The following CYP7B1 variants were observed in gnomAD, a reference collection of about 807,000 sequenced individuals.
The protein encoded by CYP7B1 is cytochrome P450 7B1.
In CYP7B1, 29 loss-of-function variants were observed where a neutral mutation model predicts 42.7. That is an observed-to-expected ratio of 0.68 (90% confidence interval 0.51 to 0.93). The LOEUF (loss-of-function observed/expected upper bound fraction) is 0.93. Among genes scored for constraint, CYP7B1 ranks in the 40% least tolerant of loss-of-function variants. CYP7B1 has a pLI of 0.00. For synonymous variants in CYP7B1, 235 were observed against 218.2 expected, an observed-to-expected ratio of 1.08 and a Z score of -0.68; for missense variants, 655 against 600.5, an observed-to-expected ratio of 1.09 and a Z score of -0.95.
At chr8:64,658,719 C>T (rs777274341) in intron 1 of CYP7B1, among the ~76,000 whole-genome samples, 4 of 152,164 alleles carry the variant, frequency 2.6e-5, no homozygotes, top group Non-Finnish European at 5.9e-5. Flanking sequence ...CACTAAGCTC[C>T]TCTGGCTGCA....
chr8:64,740,089 A>G (rs539375060), intron 1 of CYP7B1, among the ~76,000 whole-genome samples: 4 of 152,140 alleles, frequency 2.6e-5, no homozygotes, highest in Non-Finnish European at 5.9e-5. Context: ...TATAGAGAGG[A>G]AGAACACTGG....
chr8:64,636,751 T>C (rs983954864), intron 1 of CYP7B1, among the ~76,000 whole-genome samples: 5 of 152,178 alleles, frequency 3.3e-5, no homozygotes. Context: ...GGAACAGAAG[T>C]GGCTCTGAAG....
chr8:64,725,361 T>C (rs377107245), intron 1 of CYP7B1, among the ~76,000 whole-genome samples: 18 of 152,354 alleles, frequency 1.2e-4, no homozygotes, highest in Admixed American at 8.5e-4. Flanking sequence ...TACACTTGCT[T>C]TATACTTTTG....
chr8:64,668,684 A>G (rs1345198782), intron 1 of CYP7B1, among the ~76,000 whole-genome samples: 2 of 150,796 alleles, frequency 1.3e-5, no homozygotes, highest in African/African-American at 4.9e-5. Flanking sequence ...TTTTTTTTTA[A>G]AAGGAAAAAA....
At chr8:64,693,219 CTGAG>C (rs1244062162) in intron 1 of CYP7B1, among the ~76,000 whole-genome samples, 11 of 152,232 alleles carry the variant, frequency 7.2e-5, no homozygotes, top group Admixed American at 7.2e-4. Flanking sequence ...TGGGAGACAA[CTGAG>C]TGTCAAGCAC....
At chr8:64,781,796 A>G (rs1804428323) in intron 1 of CYP7B1, among the ~76,000 whole-genome samples, 1 of 152,176 alleles carries the variant, frequency 6.6e-6, no homozygotes, top group African/African-American at 2.4e-5. Context: ...GAATATGGCT[A>G]TCTCTGGAGC....
At chr8:64,706,575 C>G (rs1435993215) in intron 1 of CYP7B1, among the ~76,000 whole-genome samples, 1 of 151,952 alleles carries the variant, frequency 6.6e-6, no homozygotes, top group Non-Finnish European at 1.5e-5. Flanking sequence ...CTGGTTGCAT[C>G]AGGAAAATAG....
At chr8:64,650,192 G>A (rs1806016740) in intron 1 of CYP7B1, among the ~76,000 whole-genome samples, 1 of 152,088 alleles carries the variant, frequency 6.6e-6, no homozygotes, top group South Asian at 2.1e-4. Context: ...AATACTCCCA[G>A]AAAAATATAT....
intron 4 of CYP7B1, among the ~76,000 whole-genome samples, chr8:64,613,168 T>C (rs1323993000): frequency 6.6e-6 from 1 of 152,184 alleles, no homozygotes; most frequent in Admixed American, 6.5e-5. Flanking sequence ...GGATCTAAAC[T>C]TGCTTGGGAT....
intron 1 of CYP7B1, among the ~76,000 whole-genome samples, chr8:64,748,865 T>C (rs1021067985): frequency 6.6e-6 from 1 of 152,154 alleles, no homozygotes; most frequent in African/African-American, 2.4e-5. Flanking sequence ...CTCATCCATG[T>C]GCAGATTAGT....
chr8:64,775,882 C>T (rs569598752), intron 1 of CYP7B1, among the ~76,000 whole-genome samples: 10 of 152,178 alleles, frequency 6.6e-5, no homozygotes, highest in Admixed American at 5.9e-4. Context: ...ATAGTAATGT[C>T]CTTGTGGAAT....
intron 1 of CYP7B1, among the ~76,000 whole-genome samples, chr8:64,736,796 C>T (rs1807495133): frequency 6.6e-6 from 1 of 152,016 alleles, no homozygotes; most frequent in South Asian, 2.1e-4. Context: ...TATTTTCTTG[C>T]TCTCTTTTAG....
chr8:64,685,208 G>T (rs576941487), intron 1 of CYP7B1, among the ~76,000 whole-genome samples: 1 of 150,570 alleles, frequency 6.6e-6, no homozygotes, highest in Non-Finnish European at 1.5e-5. Context: ...GACGGGCCCC[G>T]CGGGGCCCGA....
chr8:64,752,537 G>A (rs1281078776), intron 1 of CYP7B1, among the ~76,000 whole-genome samples: 2 of 152,056 alleles, frequency 1.3e-5, no homozygotes, highest in African/African-American at 2.4e-5. Flanking sequence ...TGCTAGTAAT[G>A]AGGAAAGACA....
chr8:64,728,554 C>A (rs149993514), intron 1 of CYP7B1, among the ~76,000 whole-genome samples: 4 of 152,236 alleles, frequency 2.6e-5, no homozygotes, highest in African/African-American at 7.2e-5. Flanking sequence ...CGGATGTATT[C>A]AAATTTTAAG....
At chr8:64,686,060 CA>C (rs1437841455) in intron 1 of CYP7B1, among the ~76,000 whole-genome samples, 5 of 120,310 alleles carry the variant, frequency 4.2e-5, no homozygotes, top group Admixed American at 8.1e-5. Flanking sequence ...TGGGGGGGGT[CA>C]GCCCCCCCAC....
At chr8:64,659,579 T>C (rs537194954) in intron 1 of CYP7B1, among the ~76,000 whole-genome samples, 2 of 152,232 alleles carry the variant, frequency 1.3e-5, no homozygotes, top group Non-Finnish European at 2.9e-5. Context: ...AGATGGTTCC[T>C]AAGTTTTAGC....
At chr8:64,716,892 A>G in intron 1 of CYP7B1, among the ~76,000 whole-genome samples, 1 of 152,264 alleles carries the variant, frequency 6.6e-6, no homozygotes, top group Admixed American at 6.5e-5. Flanking sequence ...TTATACTTCA[A>G]ACAATTACTG....
chr8:64,791,892 G>T (rs529902661), intron 1 of CYP7B1, among the ~76,000 whole-genome samples: 7 of 152,300 alleles, frequency 4.6e-5, no homozygotes, highest in Admixed American at 4.6e-4. Context: ...GGAACAAATG[G>T]TTAGTAGAAA....
Sources: allele counts gnomAD v4.1 joint callset (sites outside exome capture counted in the v4.1 genomes callset), GRCh38; gene constraint gnomAD v4.1.1; transcripts MANE v1.5; gene names NCBI Gene and HGNC (gene_info 2026-07-23, HGNC 2026-07-21).